The following AUTS2 variants were observed in gnomAD, a reference collection of about 807,000 sequenced individuals.
AUTS2 encodes the protein activator of transcription and developmental regulator AUTS2.
A neutral mutation model predicts 112.4 loss-of-function variants in AUTS2; 17 were observed. The ratio of observed to expected loss-of-function variants is 0.15; its 90% CI spans 0.10 to 0.23. The LOEUF is 0.23. Among genes scored for constraint, AUTS2 ranks in the 10% least tolerant of loss-of-function variants. The pLI is 1.00. For synonymous variants in AUTS2, 751 were observed against 702.7 expected (o/e 1.07, Z -1.09); for missense variants, 1,510 against 1,701.6 (o/e 0.89, Z 1.98).
chr7:70,758,883 T>C (rs1451113012), intron 6 of AUTS2, among the ~76,000 whole-genome samples: 1 of 139,306 alleles, frequency 7.2e-6, no homozygotes. Context: ...GGAAATGCAT[T>C]ACCGATTAGC....
chr7:70,582,963 G>A (rs1240588552), intron 5 of AUTS2, among the ~76,000 whole-genome samples: 2 of 152,154 alleles, frequency 1.3e-5, no homozygotes, highest in Non-Finnish European at 2.9e-5. Context: ...ACTTCTTTGG[G>A]TTAAAAATAG....
chr7:70,467,749 A>G (rs900891689), intron 5 of AUTS2, among the ~76,000 whole-genome samples: 1 of 152,220 alleles, frequency 6.6e-6, no homozygotes, highest in African/African-American at 2.4e-5. Context: ...CAGCACTGGC[A>G]TCTTACAGGC....
chr7:70,541,619 G>C (rs1465114989), intron 5 of AUTS2, among the ~76,000 whole-genome samples: 1 of 152,206 alleles, frequency 6.6e-6, no homozygotes. Context: ...CTCAACCACT[G>C]TGTGCCAGAC....
At chr7:69,667,808 T>C (rs538760888) in intron 1 of AUTS2, among the ~76,000 whole-genome samples, 6 of 152,184 alleles carry the variant, frequency 3.9e-5, no homozygotes, top group African/African-American at 1.4e-4. Flanking sequence ...ACCATTGGGA[T>C]AAACCTCCTA....
intron 6 of AUTS2, among the ~76,000 whole-genome samples, chr7:70,754,591 A>C (rs577980847): frequency 6.6e-6 from 1 of 152,372 alleles, no homozygotes; most frequent in South Asian, 2.1e-4. Context: ...CCAGTGTTTA[A>C]ACATTTCAGT....
chr7:70,776,321 C>G (rs985168462), intron 13 of AUTS2, among the ~76,000 whole-genome samples: 14 of 152,086 alleles, frequency 9.2e-5, no homozygotes, highest in Non-Finnish European at 2.1e-4. Flanking sequence ...AAAGGTGGTC[C>G]CTGCCCGCTG....
chr7:70,083,828 T>C (rs1803444700), intron 2 of AUTS2, among the ~76,000 whole-genome samples: 2 of 152,156 alleles, frequency 1.3e-5, no homozygotes, highest in South Asian at 4.1e-4. Context: ...GTATCTGTAG[T>C]CCCAGCTACT....
intron 4 of AUTS2, among the ~76,000 whole-genome samples, chr7:70,400,083 T>G (rs1794261654): frequency 1.3e-5 from 2 of 152,226 alleles, no homozygotes; most frequent in Admixed American, 6.5e-5. Context: ...CACTGAATTA[T>G]CCTCACAATT....
chr7:70,460,780 A>G (rs1290103888), intron 5 of AUTS2, among the ~76,000 whole-genome samples: 1 of 152,194 alleles, frequency 6.6e-6, no homozygotes, highest in Non-Finnish European at 1.5e-5. Flanking sequence ...TCTGTAAGGT[A>G]TCACTGGAAG....
At chr7:69,701,137 A>G (rs58305621) in intron 1 of AUTS2, among the ~76,000 whole-genome samples, 9,398 of 152,208 alleles carry the variant, frequency 0.062, 324 homozygotes, top group East Asian at 0.13. Context: ...AGGGATTAGA[A>G]CAGTACCTGC....
chr7:70,721,628 G>A (rs776848147), intron 6 of AUTS2, among the ~76,000 whole-genome samples: 2 of 152,192 alleles, frequency 1.3e-5, no homozygotes, highest in South Asian at 4.1e-4. Context: ...ACACTGAGAT[G>A]TTGTACATAG....
chr7:70,167,549 C>T (rs1458960528), intron 4 of AUTS2, among the ~76,000 whole-genome samples: 1 of 152,212 alleles, frequency 6.6e-6, no homozygotes, highest in Non-Finnish European at 1.5e-5. Flanking sequence ...ACTTGAGCAA[C>T]ACTACCGGTC....
intron 2 of AUTS2, among the ~76,000 whole-genome samples, chr7:70,007,107 T>C (rs948026679): frequency 6.6e-6 from 1 of 152,196 alleles, no homozygotes; most frequent in Non-Finnish European, 1.5e-5. Flanking sequence ...CATTACCTAG[T>C]GCAAACAGGA....
At chr7:70,496,771 G>T (rs1409511339) in intron 5 of AUTS2, among the ~76,000 whole-genome samples, 1 of 79,498 alleles carries the variant, frequency 1.3e-5, no homozygotes, top group African/African-American at 5.0e-5. Flanking sequence ...CTCACACCAC[G>T]TACACAGTCA....
chr7:70,563,029 G>T (rs1041991237), intron 5 of AUTS2, among the ~76,000 whole-genome samples: 8 of 152,148 alleles, frequency 5.3e-5, no homozygotes, highest in Non-Finnish European at 1.2e-4. Context: ...GTAGAGCTAG[G>T]AAAAGTGGGC....
At chr7:70,553,358 T>C (rs1801094123) in intron 5 of AUTS2, among the ~76,000 whole-genome samples, 1 of 152,174 alleles carries the variant, frequency 6.6e-6, no homozygotes, top group Non-Finnish European at 1.5e-5. Context: ...GAAGCACCTA[T>C]TACCAGGACA....
intron 1 of AUTS2, among the ~76,000 whole-genome samples, chr7:69,820,821 A>C (rs887503924): frequency 1.3e-5 from 2 of 152,160 alleles, no homozygotes; most frequent in Non-Finnish European, 2.9e-5. Flanking sequence ...GTGTAGTGAA[A>C]ACACACACAC....
intron 1 of AUTS2, among the ~76,000 whole-genome samples, chr7:69,829,038 A>G (rs1221728224): frequency 6.6e-6 from 1 of 152,178 alleles, no homozygotes; most frequent in East Asian, 1.9e-4. Context: ...TGGTACCAAA[A>G]CATACATATA....
At chr7:70,193,654 A>G (rs868650750) in intron 4 of AUTS2, among the ~76,000 whole-genome samples, 1 of 152,214 alleles carries the variant, frequency 6.6e-6, no homozygotes, top group Non-Finnish European at 1.5e-5. Flanking sequence ...ATGTCCAGCA[A>G]TAGGAAAAAG....
Sources: gnomAD v4.1 joint callset for allele counts (sites outside exome capture counted in the v4.1 genomes callset) on GRCh38, gnomAD v4.1.1 for gene constraint, MANE v1.5 for transcripts, NCBI Gene and HGNC (gene_info 2026-07-23, HGNC 2026-07-21) for gene names.